The following GALK1 variants were observed in gnomAD, a reference collection of about 807,000 sequenced individuals.
The protein encoded by GALK1 is galactokinase.
In GALK1, 30 loss-of-function variants were observed where a neutral mutation model predicts 38.6. The observed-to-expected ratio is 0.78, with a 90% CI of 0.58 to 1.05. The LOEUF (loss-of-function observed/expected upper bound fraction) is 1.05, where lower values mean the gene tolerates loss of function less well. GALK1 is among the 50% of genes least tolerant of loss of function. GALK1 has a pLI of 0.00. For synonymous variants in GALK1, 240 were observed against 233.6 expected, an observed-to-expected ratio of 1.03 and a Z score of -0.25; for missense variants, 512 against 540.5, an observed-to-expected ratio of 0.95 and a Z score of 0.52.
chr17:75,752,537 T>C, intron 8 of GALK1: 2 of 1,613,588 alleles, frequency 1.2e-6, no homozygotes, highest in East Asian at 2.2e-5. Flanking sequence ...TTCTACGCTC[T>C]CCATCGGGCA....
downstream of GALK1, chr17:75,753,936 G>C: frequency 7.8e-7 from 1 of 1,281,386 alleles, no homozygotes; most frequent in Non-Finnish European, 9.8e-7. Context: ...GGGAAGGGCG[G>C]CAGCCTGCCC....
chr17:75,760,419 A>C (rs2143595627), intron 5 of GALK1, among the ~76,000 whole-genome samples: 1 of 150,710 alleles, frequency 6.6e-6, no homozygotes, highest in South Asian at 2.1e-4. Context: ...GTGTCTCTTG[A>C]CTCTGTAATC....
intron 1 of GALK1, 102 bp from the exon 2 acceptor site, chr17:75,764,188 AGGTTCT>A: frequency 8.9e-7 from 1 of 1,122,572 alleles, no homozygotes; most frequent in Non-Finnish European, 1.3e-6. Context: ...CACAGTCATC[AGGTTCT>A]GAACCTCCAG....
chr17:75,758,658 T>G, intron 5 of GALK1, 59 bp from the exon 6 acceptor site: 1 of 1,542,022 alleles, frequency 6.5e-7, no homozygotes, highest in East Asian at 2.4e-5. Flanking sequence ...CCGACGCCTG[T>G]GAGGACCAGC....
chr17:75,758,889 CAGG>C (rs1352193916), intron 5 of GALK1, among the ~76,000 whole-genome samples: 4 of 152,148 alleles, frequency 2.6e-5, no homozygotes, highest in Non-Finnish European at 4.4e-5. Flanking sequence ...CACCACAGAG[CAGG>C]AGGAGAAGAA....
downstream of GALK1, chr17:75,756,976 G>A (rs899007987): frequency 6.2e-7 from 1 of 1,612,644 alleles, no homozygotes. Context: ...GATGGAGACA[G>A]CCCCGAGAGC....
Position 75,762,081 on chromosome 17 carries a change from T to C in GALK1, c.793+623A>G, listed in dbSNP as rs144709733. 2.4e-3 allele frequency among the ~76,000 whole-genome samples: 367 copies of C among 151,558 alleles called. 7 individuals are homozygous for C. In the East Asian group the frequency reaches 0.03, roughly 12 times the overall value. ...GGCTCATGCCTATAATCCCAACACT[T>C]TGGGAGGCCAAGGCAGGAGGACCAC... On this transcript the variant is annotated intron_variant, in intron 5 of 7. Coordinates refer to ENST00000588479, the MANE Select transcript of GALK1 (RefSeq NM_000154.2).
At chr17:75,754,003 C>T, downstream of GALK1, 1 of 1,001,812 alleles carries the variant, frequency 1.0e-6, no homozygotes, top group South Asian at 3.9e-5. Flanking sequence ...GCCCCCCGAT[C>T]CGCGCCCACC....
At chr17:75,756,810 TG>T (rs1204871064), downstream of GALK1, 1 of 1,612,244 alleles carries the variant, frequency 6.2e-7, no homozygotes, top group Non-Finnish European at 8.5e-7. Context: ...GGAGGCCCAA[TG>T]GGGATATCGT....
At chr17:75,755,123 C>G, downstream of GALK1, 1 of 1,610,134 alleles carries the variant, frequency 6.2e-7, no homozygotes, top group Non-Finnish European at 8.5e-7. Flanking sequence ...GTCCCGGAGT[C>G]GGGCTCAGAT....
chr17:75,754,403 G>T, downstream of GALK1: 1 of 737,306 alleles, frequency 1.4e-6, no homozygotes, highest in Non-Finnish European at 2.2e-6. Context: ...GGTGGCCCTT[G>T]GGCTCCTGCA....
chr17:75,757,150 C>A (rs376475265), downstream of GALK1: 1 of 1,612,508 alleles, frequency 6.2e-7, no homozygotes, highest in African/African-American at 1.3e-5. Context: ...CTCCTCGGGC[C>A]GTGCCTCCTT....
rs755413378 is a variant in GALK1 at position 75,758,072 on chromosome 17, T to C, written c.1163A>G (p.Lys388Arg). Residue 388 changes from lysine to arginine, a missense_variant, in exon 8 of 8, where the codon AAG (lysine) becomes AGG (arginine). Transcript: ENST00000588479. ...GGGGGTGCCTCACAAGCACAGCACC[T>C]TGGCTCCATCGGCTGCTTGAGAGAG... is the stretch of plus-strand genomic sequence containing the variant. ...FYLSQAADGAKVLCL is the reference protein window; with the variant it reads ...FYLSQAADGARVLCL 1 of 1,612,780 alleles carries C rather than the reference T, an allele frequency of 6.2e-7. No individual in the cohort carries two copies. Among genetic ancestry groups the C allele is most frequent in the Non-Finnish European group, 8.5e-7 (1 of 1,179,950 alleles).
In GALK1 at chr17:75,763,130, G is replaced by A. The variant is rs750290029; in HGVS notation, c.495C>T (p.Ala165=). Residue 165 remains alanine (A), a synonymous_variant, in exon 4 of 8, where the codon GCC becomes GCT. Transcript: ENST00000588479. ...QLCPDSGTIA[A]RAQVCQQAEH... ...CGGCCTGCTGACACACCTGGGCGCG[G>A]GCAGCTATTGTGCCCGAGTCTGCAG... 1.9e-6 allele frequency: 3 copies of A among 1,611,894 alleles called. No individual in the cohort carries two copies. The East Asian group carries it at 6.7e-5, about 36-fold the overall frequency.
chr17:75,760,180 A>T (rs1434297774), intron 5 of GALK1, among the ~76,000 whole-genome samples: 2 of 151,668 alleles, frequency 1.3e-5, no homozygotes, highest in African/African-American at 4.8e-5. Flanking sequence ...TGCAGTCTCA[A>T]CCTCCTGGGC....
intron 5 of GALK1, among the ~76,000 whole-genome samples, chr17:75,759,579 G>A (rs917085577): frequency 6.6e-6 from 1 of 152,068 alleles, no homozygotes; most frequent in Non-Finnish European, 1.5e-5. Context: ...GCGCTTCTAG[G>A]GCAGGACTCT....
chr17:75,757,131 C>A, downstream of GALK1: 1 of 1,612,906 alleles, frequency 6.2e-7, no homozygotes, highest in Non-Finnish European at 8.5e-7. Context: ...CTTTCCTTCA[C>A]CCCCACCCCT....
chr17:75,765,036 G>A lies in GALK1; in HGVS notation c.101C>T (p.Ala34Val), dbSNP rs751415002. 2 of 1,609,262 alleles carry A rather than the reference G, an allele frequency of 1.2e-6. No homozygotes were observed. The highest frequency in any genetic ancestry group is 2.2e-5 in the East Asian group (1 of 44,746). The change falls in exon 1 of 8, where the codon GCG becomes GTG. Residue 34 changes from alanine to valine, a missense_variant. Physicochemically the swap from Ala to Val is moderately conservative, Grantham distance 64. Coordinates refer to ENST00000588479, the MANE Select transcript of GALK1 (RefSeq NM_000154.2). ...CCCGATGAGGTTGACGCGGCCCGGC[G>A]CTGACACGGCCAGCTCGGGCTCGGC... ...FGAEPELAVS[A>V]PGRVNLIGEH...
chr17:75,764,144 A>G (rs1171001199), intron 1 of GALK1, 58 bp from the exon 2 acceptor site: 19 of 1,456,630 alleles, frequency 1.3e-5, no homozygotes, highest in Non-Finnish European at 1.8e-5. Context: ...AGCCTCTCCA[A>G]TGACACTGCC....
Sources: allele counts gnomAD v4.1 joint callset (sites outside exome capture counted in the v4.1 genomes callset), GRCh38; gene constraint gnomAD v4.1.1; transcripts MANE v1.5; gene names NCBI Gene and HGNC (gene_info 2026-07-23, HGNC 2026-07-21).